NCAPG: variants seen among roughly 807,000 people sequenced by gnomAD.
The protein encoded by NCAPG is non-SMC condensin I complex subunit G.
In NCAPG, 69 loss-of-function variants were observed where a neutral mutation model predicts 113.1. That is an observed-to-expected ratio of 0.61 (90% CI 0.50 to 0.75). The LOEUF (loss-of-function observed/expected upper bound fraction) is 0.75. Ranked by LOEUF, NCAPG falls within the 30% of genes least tolerant of loss-of-function variation. The probability of loss-of-function intolerance (pLI) is 0.00; values close to 1 mark genes in which losing one functional copy is unlikely to be tolerated. For missense variants in NCAPG, 1,058 were observed against 1,177.0 expected (o/e 0.90, Z 1.48); for synonymous variants, 370 against 415.8 (o/e 0.89, Z 1.34).
Position 17,839,786 on chromosome 4 carries a change from CAGT to C in NCAPG, c.2580_2582del (p.Ser861del). The C allele has an allele frequency of 6.3e-7, 1 of 1,587,500 alleles. No homozygotes were observed. The highest frequency in any genetic ancestry group is 8.5e-7 in the Non-Finnish European group (1 of 1,173,890). On this transcript the variant is annotated inframe_deletion, in exon 17 of 21. Transcript: ENST00000251496. ...CAAAAGCCTTGAGTTCTTTAGAACT[CAGT>C]AGCCATCTTGCAAAAGATCTTCTGG... is the stretch of plus-strand genomic sequence containing the variant.
chr4:17,813,892 A>G (rs1379128889), intron 3 of NCAPG, among the ~76,000 whole-genome samples: 1 of 152,074 alleles, frequency 6.6e-6, no homozygotes. Flanking sequence ...TACCAGTTTT[A>G]TAATCACTGG....
Position 17,814,849 on chromosome 4 carries a change from T to G in NCAPG, c.545-4T>G. ...AGTACTAAAATGTATTGCTTTATTT[T>G]TAGCATATGCTACTTTGATTGAAAA... On this transcript the variant is annotated splice_region_variant and splice_polypyrimidine_tract_variant and intron_variant, in intron 3 of 20. Transcript: ENST00000251496. The G allele has an allele frequency of 6.2e-7, 1 of 1,613,138 alleles. No homozygotes were observed. Among genetic ancestry groups the G allele is most frequent in the South Asian group, 1.1e-5 (1 of 90,964 alleles).
At chr4:17,820,966 T>C (rs1045608813) in intron 7 of NCAPG, among the ~76,000 whole-genome samples, 1 of 152,212 alleles carries the variant, frequency 6.6e-6, no homozygotes, top group Non-Finnish European at 1.5e-5. Context: ...TCTTAGACTT[T>C]AAAATACTTT....
chr4:17,811,971 A>T lies in NCAPG; in HGVS notation c.112-250A>T, dbSNP rs1215207089. ...TAAAGGCTTATTGAGAATCAAAGAT[A>T]TTGAAAAAAATATATCAAAGGAATC... On this transcript the variant is annotated intron_variant, in intron 1 of 20. Transcript: ENST00000251496. The surrounding 1 kb of genome is among the most constrained non-coding windows in gnomAD (Gnocchi z 5.3). Among the ~76,000 whole-genome samples the T allele has an allele frequency of 2.0e-5, 3 of 152,364 alleles. No individual in the cohort carries two copies. Among genetic ancestry groups the T allele is most frequent in the South Asian group, 2.1e-4 (1 of 4,834 alleles).
In NCAPG at chr4:17,842,580, T is replaced by TA. The variant is rs1722519611; in HGVS notation, c.2924+202dup. ...TTACGGCGTGTTTGCTTTTGCCTAT[T>TA]AGCTGGCATGGTCTTTAGTACTATC... On this transcript the variant is annotated intron_variant, in intron 20 of 20. Transcript: ENST00000251496. 39 of 531,152 alleles carry TA rather than the reference T, an allele frequency of 7.3e-5. 2 individuals carry two copies. The East Asian group carries it at 1.2e-3, about 17-fold the overall frequency. 32.9% of individuals were successfully genotyped at this position (531,152 alleles called of 1,614,324 possible). A position where few individuals can be genotyped will look rare whatever the true frequency, so the allele number is the denominator to read the frequency against.
Position 17,811,245 on chromosome 4 carries a change from AG to A in NCAPG, c.111+61del, listed in dbSNP as rs35565333. 5 of 1,136,034 alleles carry A rather than the reference AG, an allele frequency of 4.4e-6. No homozygotes were observed. The South Asian group carries it at 6.8e-5, about 15-fold the overall frequency. The allele number at this position is 1,136,034 out of a possible 1,614,324, so 70.4% of individuals were successfully genotyped here. A position where few individuals can be genotyped will look rare whatever the true frequency, so the allele number is the denominator to read the frequency against. On this transcript the variant is annotated intron_variant, in intron 1 of 20. Coordinates refer to ENST00000251496, the MANE Select transcript of NCAPG (RefSeq NM_022346.5). The surrounding 1 kb of genome is among the most constrained non-coding windows in gnomAD (Gnocchi z 5.3). ...CGCCCGCCCCGGCCCACCCTCCCTC[AG>A]GGGCCCTCCGTGGCCCTCGGGCTCG...
At chr4:17,816,499 G>A (rs1462544207) in intron 5 of NCAPG, among the ~76,000 whole-genome samples, 2 of 152,172 alleles carry the variant, frequency 1.3e-5, no homozygotes, top group African/African-American at 2.4e-5. Context: ...GCTCTATTGC[G>A]CTGTAGTGAG....
chr4:17,840,302 T>C, intron 18 of NCAPG, 93 bp downstream of exon 18: 1 of 1,316,820 alleles, frequency 7.6e-7, no homozygotes, highest in Non-Finnish European at 1.0e-6. Context: ...ACATGTTTGG[T>C]TGGACATCAG....
chr4:17,822,311 A>G (rs1022045436), intron 7 of NCAPG, among the ~76,000 whole-genome samples: 5 of 149,358 alleles, frequency 3.3e-5, no homozygotes, highest in Admixed American at 6.8e-5. Flanking sequence ...CTTCTGCCTC[A>G]GCCTCCTGAG....
rs747639864 is a variant in NCAPG at position 17,817,327 on chromosome 4, T to G, written c.842T>G (p.Ile281Ser). 6.2e-7 allele frequency: 1 copy of G among 1,614,092 alleles called. No individual in the cohort carries two copies. Among genetic ancestry groups the G allele is most frequent in the Non-Finnish European group, 8.5e-7 (1 of 1,179,986 alleles). The change falls in exon 6 of 21, where the codon ATC becomes AGC. Residue 281 changes from isoleucine to serine, a missense_variant. Coordinates refer to ENST00000251496, the MANE Select transcript of NCAPG (RefSeq NM_022346.5). ...QGWLRFSEGN[I>S]LELLHRLDVE... The stretch of plus-strand genomic sequence containing the variant: ...TGGTTACGGTTCTCTGAAGGAAATA[T>G]CTTAGAGTTGCTCCATCGGTTGGAT...
Position 17,831,069 on chromosome 4 carries a change from C to CTTG in NCAPG, c.1838_1839insTGT (p.Leu613_Gln614insVal). 1.2e-6 allele frequency: 2 copies of CTTG among 1,613,672 alleles called. No individual in the cohort carries two copies. The highest frequency in any genetic ancestry group is 2.2e-5 in the South Asian group (2 of 91,046). On this transcript the variant is annotated inframe_insertion, in exon 13 of 21. Coordinates refer to ENST00000251496, the MANE Select transcript of NCAPG (RefSeq NM_022346.5). ...TGTTTTATGCTTGGGATGCTGTGGA[C>CTTG]TACAGAATCAGGATTTTGCAAGGAA...
At position 17,825,031 on chromosome 4, in the gene NCAPG, G is replaced by A; in HGVS notation, c.1447G>A (p.Ala483Thr). 3 of 1,612,548 alleles carry A rather than the reference G, an allele frequency of 1.9e-6. No individual in the cohort carries two copies. The highest frequency in any genetic ancestry group is 2.5e-6 in the Non-Finnish European group (3 of 1,179,184). The change falls in exon 10 of 21, where the codon GCT becomes ACT. Residue 483 changes from alanine to threonine, a missense_variant. By Grantham distance (58) the Ala-to-Thr change is moderately conservative (BLOSUM62 0). Transcript: ENST00000251496. ...IVTVGVNNDP[A>T]DVRKKELKMA... Reference sequence around the variant, plus strand: ...TACTGTTGGTGTTAATAACGATCCAGCTGATGTAAGAAAGAAAGAACTCAA... The same window carrying A: ...TACTGTTGGTGTTAATAACGATCCAACTGATGTAAGAAAGAAAGAACTCAA...
In NCAPG at chr4:17,839,663, CTTAA is replaced by C. The variant is rs751895710; in HGVS notation, c.2467-10_2467-7del. 6.8e-7 allele frequency: 1 copy of C among 1,471,684 alleles called. No homozygotes were observed. The highest frequency in any genetic ancestry group is 1.5e-5 in the South Asian group (1 of 68,762). 91.2% of individuals were successfully genotyped at this position (1,471,684 alleles called of 1,614,324 possible). ...ATCTTCAATTTACAGAGAATTTTCT[CTTAA>C]TTTTTTAGGCCTTAACAGTACATGA... On this transcript the variant is annotated splice_polypyrimidine_tract_variant and intron_variant, in intron 16 of 20. Coordinates refer to ENST00000251496, the MANE Select transcript of NCAPG (RefSeq NM_022346.5).
intron 8 of NCAPG, 91 bp from the exon 9 acceptor site, chr4:17,823,556 C>A: frequency 8.8e-7 from 1 of 1,141,724 alleles, no homozygotes; most frequent in South Asian, 1.5e-5. Flanking sequence ...AGAACTGAGG[C>A]AAATGTAATT....
Position 17,825,457 on chromosome 4 carries a change from C to T in NCAPG, c.1549C>T (p.Arg517Trp), listed in dbSNP as rs764096603. The T allele has an allele frequency of 1.4e-5, 22 of 1,609,162 alleles. No homozygotes were observed. The Admixed American group carries it at 3.6e-4, about 26-fold the overall frequency. The change falls in exon 11 of 21, where the codon CGG becomes TGG. Residue 517 changes from arginine to tryptophan, a missense_variant. By Grantham distance (101) the Arg-to-Trp change is moderately radical. Coordinates refer to ENST00000251496, the MANE Select transcript of NCAPG (RefSeq NM_022346.5). ...TTGCATTACCTTACAGGATTTTAAT[C>T]GGGCATCAGAATTAAAAGAAGAAAT... ...ENCITLQDFN[R>W]ASELKEEIKA... is the part of the protein sequence containing the mutation.
At chr4:17,822,871 G>A (rs931151004) in intron 7 of NCAPG, 112 bp from the exon 8 acceptor site, 2 of 729,946 alleles carry the variant, frequency 2.7e-6, no homozygotes, top group Non-Finnish European at 4.3e-6. Flanking sequence ...GCATAGATAT[G>A]TATTTAGACG....
chr4:17,843,157 G>T, intron 20 of NCAPG, 145 bp from the exon 21 acceptor site: 1 of 825,922 alleles, frequency 1.2e-6, no homozygotes, highest in East Asian at 2.7e-5. Flanking sequence ...TTGACATTGA[G>T]ATTTTAGTTT....
chr4:17,835,264 T>C (rs539387867), intron 14 of NCAPG, among the ~76,000 whole-genome samples: 2 of 152,276 alleles, frequency 1.3e-5, no homozygotes, highest in East Asian at 3.9e-4. Context: ...TGGAGTGCAG[T>C]GGCGTGATCA....
chr4:17,814,027 G>T (rs1022337512), intron 3 of NCAPG, among the ~76,000 whole-genome samples: 6 of 152,032 alleles, frequency 3.9e-5, no homozygotes, highest in Admixed American at 3.9e-4. Flanking sequence ...AAAGATGTGA[G>T]AAGTACAGAT....
Sources: gnomAD v4.1 joint callset for allele counts (sites outside exome capture counted in the v4.1 genomes callset) on GRCh38, gnomAD v4.1.1 for gene constraint, Gnocchi (gnomAD v3.1) non-coding constraint, MANE v1.5 for transcripts, NCBI Gene and HGNC (gene_info 2026-07-23, HGNC 2026-07-21) for gene names.